Variants in ERBIN observed in about 807,000 individuals in gnomAD.
The protein encoded by ERBIN is erbb2 interacting protein.
In ERBIN, 60 loss-of-function variants were observed where a neutral mutation model predicts 158.4. The observed-to-expected ratio is 0.38, with a 90% confidence interval of 0.31 to 0.47. The LOEUF is 0.47. Ranked by LOEUF, ERBIN falls within the 20% of genes least tolerant of loss-of-function variation. ERBIN has a pLI of 0.99. For synonymous variants in ERBIN, 594 were observed against 557.2 expected, an observed-to-expected ratio of 1.07 and a Z score of -0.93; for missense variants, 1,610 against 1,648.0, an observed-to-expected ratio of 0.98 and a Z score of 0.40.
At chr5:65,942,992 C>T (rs1345289828) in intron 1 of ERBIN, among the ~76,000 whole-genome samples, 2 of 151,900 alleles carry the variant, frequency 1.3e-5, no homozygotes, top group African/African-American at 4.8e-5. Context: ...TAAAAAATTC[C>T]CAAACCCTCC....
chr5:66,082,060 T>C lies in ERBIN; in HGVS notation c.*3530T>C, dbSNP rs1319527974. On this transcript the variant is annotated 3_prime_UTR_variant, in exon 26 of 26. Transcript: ENST00000284037. ...AAGCCCAGGGGATAGTAAGTAGTCA[T>C]TTAGTTTTGGAAAGTTCTTAAGAGA... 2 of 152,142 alleles carry C rather than the reference T, an allele frequency of 1.3e-5. No homozygotes were observed. The highest frequency in any genetic ancestry group is 4.8e-5 in the African/African-American group (2 of 41,436). 9.4% of individuals were successfully genotyped at this position (152,142 alleles called of 1,614,324 possible).
At chr5:66,065,172 T>C (rs1369317612) in intron 21 of ERBIN, among the ~76,000 whole-genome samples, 3 of 152,240 alleles carry the variant, frequency 2.0e-5, no homozygotes, top group Non-Finnish European at 4.4e-5. Context: ...GGTTTAGTGA[T>C]GCAAATTTGA....
chr5:65,959,701 C>T (rs982384592), intron 1 of ERBIN, among the ~76,000 whole-genome samples: 5 of 152,030 alleles, frequency 3.3e-5, no homozygotes, highest in African/African-American at 1.2e-4. Flanking sequence ...ACTGTGTGCC[C>T]CCTTTTATAT....
rs988750920 is a variant in ERBIN at position 66,044,301 on chromosome 5, G to A, written c.1593G>A (p.Val531=). 6.3e-7 allele frequency: 1 copy of A among 1,582,346 alleles called. No homozygotes were observed. Among genetic ancestry groups the A allele is most frequent in the Non-Finnish European group, 8.5e-7 (1 of 1,171,370 alleles). Residue 531 remains valine, a synonymous_variant, in exon 17 of 26, where the codon GTG becomes GTA. Transcript: ENST00000284037. The part of the protein sequence containing the change: ...HEDQQDINKD[V]GVKTSESTTT... ...ATCAACAAGATATAAATAAAGATGT[G>A]GGTGTGAAGGTTAGAAAATTCAAAA...
chr5:66,052,535 A>G (rs1016946064), intron 20 of ERBIN, among the ~76,000 whole-genome samples: 1 of 152,110 alleles, frequency 6.6e-6, no homozygotes, highest in African/African-American at 2.4e-5. Context: ...GCGGTATGAT[A>G]TTTTCTAAAT....
chr5:65,988,417 A>G (rs981693195), intron 1 of ERBIN, among the ~76,000 whole-genome samples: 13 of 150,080 alleles, frequency 8.7e-5, no homozygotes, highest in East Asian at 3.9e-4. Context: ...GCTGGTAAAT[A>G]TGTGTGTGTG....
intron 4 of ERBIN, among the ~76,000 whole-genome samples, chr5:66,004,402 G>GCGCGCGCGCA (rs1561360528): frequency 6.6e-6 from 1 of 151,650 alleles, no homozygotes; most frequent in African/African-American, 2.4e-5. Context: ...GCGCGCGTGC[G>GCGCGCGCGCA]TGTGTGTATG....
rs779282377 is a variant in ERBIN, at chr5:66,053,945, T to C, written c.2627T>C (p.Met876Thr). Residue 876 changes from methionine to threonine, a missense_variant, in exon 21 of 26, where the codon ATG (methionine) becomes ACG (threonine). Coordinates refer to ENST00000284037, the MANE Select transcript of ERBIN (RefSeq NM_001253697.2). ...SVVKSHSITNMEIGGLKIYDI... is the reference protein window; with the variant it reads ...SVVKSHSITNTEIGGLKIYDI... ...GTGAAATCTCATAGCATAACTAATATGGAGATTGGAGGGCTAAAAATCTAT... is the reference window on the plus strand; with the variant it reads ...GTGAAATCTCATAGCATAACTAATACGGAGATTGGAGGGCTAAAAATCTAT... 26 of 1,614,078 alleles carry C rather than the reference T, an allele frequency of 1.6e-5. No individual in the cohort carries two copies. The highest frequency in any genetic ancestry group is 1.5e-5 in the Non-Finnish European group (18 of 1,180,000).
intron 1 of ERBIN, among the ~76,000 whole-genome samples, chr5:65,978,152 C>G (rs1235153028): frequency 6.6e-6 from 1 of 152,174 alleles, no homozygotes; most frequent in Non-Finnish European, 1.5e-5. Flanking sequence ...CAACTCTATG[C>G]TAGGAACAGG....
At chr5:66,017,545 T>G (rs1754913813) in intron 7 of ERBIN, among the ~76,000 whole-genome samples, 1 of 151,878 alleles carries the variant, frequency 6.6e-6, no homozygotes, top group African/African-American at 2.4e-5. Flanking sequence ...TGCTATTGAT[T>G]TGTTGAAGCT....
At chr5:66,013,751 T>C in intron 6 of ERBIN, 113 bp downstream of exon 6, 1 of 628,574 alleles carries the variant, frequency 1.6e-6, no homozygotes, top group African/African-American at 1.9e-5. Flanking sequence ...CTTTTTAAAT[T>C]ATTCCCAAGC....
chr5:65,992,654 C>A, intron 2 of ERBIN, 56 bp from the exon 3 acceptor site: 1 of 1,295,690 alleles, frequency 7.7e-7, no homozygotes, highest in Non-Finnish European at 1.1e-6. Context: ...ATGATTTGTT[C>A]TGAAAAACCG....
chr5:66,020,675 C>CA (rs5868434), intron 7 of ERBIN, among the ~76,000 whole-genome samples: 152,082 of 152,100 alleles, frequency 1, 76,032 homozygotes, highest in Middle Eastern at 1. Context: ...TATTTCATTA[C>CA]AAACTGGTTT....
intron 1 of ERBIN, among the ~76,000 whole-genome samples, chr5:65,977,920 C>T (rs1436752989): frequency 7.0e-6 from 1 of 142,678 alleles, no homozygotes; most frequent in African/African-American, 2.8e-5. Flanking sequence ...CTCAGGAGGC[C>T]GAGGCTGGCG....
chr5:66,027,339 A>T (rs943272727), intron 13 of ERBIN, among the ~76,000 whole-genome samples: 1 of 152,008 alleles, frequency 6.6e-6, no homozygotes, highest in Non-Finnish European at 1.5e-5. Flanking sequence ...CCTACGGCCC[A>T]CAGTGGGTTG....
intron 21 of ERBIN, 93 bp downstream of exon 21, chr5:66,055,044 C>T (rs1759454346): frequency 7.0e-7 from 1 of 1,438,722 alleles, no homozygotes. Context: ...TACTGATTAT[C>T]TCTTTATATT....
At chr5:66,077,150 CAAAA>C (rs397977892) in intron 25 of ERBIN, among the ~76,000 whole-genome samples, 8 of 74,596 alleles carry the variant, frequency 1.1e-4, no homozygotes, top group East Asian at 5.2e-4. Context: ...GACTCTGTCT[CAAAA>C]AAAAAAAAAA....
intron 17 of ERBIN, among the ~76,000 whole-genome samples, chr5:66,045,893 C>T (rs761769342): frequency 2.3e-4 from 35 of 152,140 alleles, no homozygotes; most frequent in Admixed American, 5.2e-4. Flanking sequence ...CATTTCCTTG[C>T]GATGTTTCAG....
At chr5:66,029,883 C>T (rs974792181) in intron 14 of ERBIN, among the ~76,000 whole-genome samples, 2 of 152,166 alleles carry the variant, frequency 1.3e-5, no homozygotes, top group East Asian at 1.9e-4. Context: ...AGCCACCACA[C>T]CCTGCCTTGG....
Sources: allele counts gnomAD v4.1 joint callset (sites outside exome capture counted in the v4.1 genomes callset), GRCh38; gene constraint gnomAD v4.1.1; transcripts MANE v1.5; gene names NCBI Gene and HGNC (gene_info 2026-07-23, HGNC 2026-07-21).